Variants in BOC observed in about 807,000 individuals in gnomAD.
BOC encodes BOC cell adhesion associated, oncogene regulated, also known as brother of CDO.
A neutral mutation model predicts 112.0 loss-of-function variants in BOC; 76 were observed. That is an observed-to-expected ratio of 0.68 (90% CI 0.56 to 0.82). BOC has a LOEUF of 0.82. BOC is among the 40% of genes least tolerant of loss of function. The pLI is 0.00. For synonymous variants in BOC, 580 were observed against 599.8 expected (o/e 0.97, Z 0.48); for missense variants, 1,309 against 1,511.7 (o/e 0.87, Z 2.22).
At chr3:113,275,011 C>T (rs1456296449) in intron 9 of BOC, among the ~76,000 whole-genome samples, 1 of 152,224 alleles carries the variant, frequency 6.6e-6, no homozygotes, top group Non-Finnish European at 1.5e-5. Flanking sequence ...TGGTAACCAT[C>T]ACCCTCCTTC....
chr3:113,217,591 G>A (rs1475009617), intron 2 of BOC, among the ~76,000 whole-genome samples: 2 of 151,976 alleles, frequency 1.3e-5, no homozygotes, highest in Non-Finnish European at 2.9e-5. Flanking sequence ...AGAGAGAGGA[G>A]TTGCAATCTC....
chr3:113,286,288 C>T (rs1455362264), intron 19 of BOC, among the ~76,000 whole-genome samples: 1 of 152,164 alleles, frequency 6.6e-6, no homozygotes, highest in Non-Finnish European at 1.5e-5. Flanking sequence ...TGGACCGTGT[C>T]AATCTGGGGG....
At position 113,274,520 on chromosome 3, in the gene BOC, G is replaced by A. The variant is rs13094203; in HGVS notation, c.1380G>A (p.Pro460=). The part of the protein sequence containing the change: ...RPPTSVGPAS[P]QCPGEKGQGA... The stretch of plus-strand genomic sequence containing the variant: ...CAACGTCAGTGGGGCCTGCTTCCCC[G>A]CAGTGTCCAGGAGAGAAGGGGCAGG... The change falls in exon 9 of 20, where the codon CCG becomes CCA. Residue 460 remains proline, a synonymous_variant. Coordinates refer to ENST00000682979, the MANE Select transcript of BOC (RefSeq NM_001378074.1). The surrounding 1 kb of genome is among the most constrained non-coding windows in gnomAD (Gnocchi z 4.8). The A allele has an allele frequency of 0.17, 269,373 of 1,613,150 alleles. 23,308 individuals carry two copies. The highest frequency in any genetic ancestry group is 0.18 in the Non-Finnish European group (212,771 of 1,179,764).
intron 9 of BOC, among the ~76,000 whole-genome samples, chr3:113,276,299 C>A (rs1012641137): frequency 1.3e-5 from 2 of 152,262 alleles, no homozygotes; most frequent in Admixed American, 6.5e-5. Context: ...GCTCAGGCCG[C>A]ATTCACCCCC....
At chr3:113,230,295 G>A (rs1366166509) in intron 2 of BOC, among the ~76,000 whole-genome samples, 1 of 152,230 alleles carries the variant, frequency 6.6e-6, no homozygotes, top group Non-Finnish European at 1.5e-5. Context: ...GAGTACGTAT[G>A]CAGAGTACAT....
At chr3:113,217,520 C>A (rs1939658829) in intron 2 of BOC, among the ~76,000 whole-genome samples, 1 of 60,238 alleles carries the variant, frequency 1.7e-5, no homozygotes, top group Non-Finnish European at 3.7e-5. Context: ...GAGTGAGACC[C>A]TATCTCAAAA....
chr3:113,212,126 A>G (rs1355318660), intron 1 of BOC, 110 bp downstream of exon 1: 1 of 151,230 alleles, frequency 6.6e-6, no homozygotes, highest in Non-Finnish European at 1.5e-5. Flanking sequence ...AGCGCCAGCG[A>G]GTGGCTGCCG....
chr3:113,268,198 G>C, intron 4 of BOC, 101 bp from the exon 5 acceptor site: 3 of 1,523,214 alleles, frequency 2.0e-6, no homozygotes, highest in East Asian at 2.4e-5. Flanking sequence ...CCCTAGGTGT[G>C]AGCTTTGTCA....
chr3:113,266,441 G>GT (rs1376678747), intron 4 of BOC, among the ~76,000 whole-genome samples: 1 of 152,146 alleles, frequency 6.6e-6, no homozygotes, highest in Non-Finnish European at 1.5e-5. Flanking sequence ...AAGAAACATT[G>GT]TATTTGCAAA....
intron 7 of BOC, 55 bp downstream of exon 7, chr3:113,272,758 C>A: frequency 1.3e-6 from 2 of 1,577,554 alleles, no homozygotes; most frequent in South Asian, 1.2e-5. Context: ...GTCTGTGCAG[C>A]CTTTCTAGAA....
At chr3:113,281,217 T>A (rs1441178374) in intron 15 of BOC, 64 bp downstream of exon 15, 2 of 1,590,934 alleles carry the variant, frequency 1.3e-6, no homozygotes, top group Non-Finnish European at 1.7e-6. Context: ...AGAGTCACCA[T>A]TCCCTGTGCC....
chr3:113,240,660 A>G (rs1386033392), intron 2 of BOC, among the ~76,000 whole-genome samples: 13 of 152,260 alleles, frequency 8.5e-5, no homozygotes, highest in Admixed American at 7.2e-4. Flanking sequence ...TTACAATCAC[A>G]GAACAAATAG....
At chr3:113,272,750 C>T (rs1948262297) in intron 7 of BOC, 47 bp downstream of exon 7, 1 of 1,586,828 alleles carries the variant, frequency 6.3e-7, no homozygotes, top group Non-Finnish European at 8.6e-7. Context: ...TCTCTCTGGT[C>T]TGTGCAGCCT....
chr3:113,224,093 T>A (rs1941235416), intron 2 of BOC, among the ~76,000 whole-genome samples: 1 of 152,226 alleles, frequency 6.6e-6, no homozygotes. Context: ...TTACTTGCTT[T>A]GGAGCTGCGG....
chr3:113,248,871 T>TCA (rs1945265757), intron 2 of BOC, among the ~76,000 whole-genome samples: 1 of 152,172 alleles, frequency 6.6e-6, no homozygotes, highest in Non-Finnish European at 1.5e-5. Flanking sequence ...CTCAAAGCAA[T>TCA]GTTGTTCTGG....
chr3:113,248,675 G>A (rs770970583), intron 2 of BOC, among the ~76,000 whole-genome samples: 1 of 152,002 alleles, frequency 6.6e-6, no homozygotes, highest in Non-Finnish European at 1.5e-5. Flanking sequence ...TGTGACAGAA[G>A]TGTGTGTGTG....
chr3:113,283,621 G>C lies in BOC; in HGVS notation c.2645G>C (p.Trp882Ser). 1 of 1,613,566 alleles carries C rather than the reference G, an allele frequency of 6.2e-7. No individual in the cohort carries two copies. ...ATCCCCTTCTGCTTGTGGAGGGCCT[G>C]GTCTAAGCAAAGTGAGTGAGTGACG... ...TFIPFCLWRA[W>S]SKQKHTTDLG... The change falls in exon 16 of 20, where the codon TGG becomes TCG. Residue 882 changes from tryptophan (W) to serine (S), a missense_variant. Trp to Ser is a radical substitution (Grantham distance 177). Coordinates refer to ENST00000682979, the MANE Select transcript of BOC (RefSeq NM_001378074.1).
Position 113,279,349 on chromosome 3 carries a change from C to T in BOC, c.1917C>T (p.Ser639=). Residue 639 remains serine, a synonymous_variant, in exon 12 of 20, where the codon TCC becomes TCT. Transcript: ENST00000682979. ...PRGNGGFPIQ[S]FRVEYKKLKK... is the part of the protein sequence containing the mutation. Reference sequence around the variant, plus strand: ...GGAATGGTGGGTTCCCAATCCAGTCCTTCCGTGTGGAGTACAAGAAGCTAA... The same window carrying T: ...GGAATGGTGGGTTCCCAATCCAGTCTTTCCGTGTGGAGTACAAGAAGCTAA... 1 of 1,614,208 alleles carries T rather than the reference C, an allele frequency of 6.2e-7. No homozygotes were observed. The highest frequency in any genetic ancestry group is 8.5e-7 in the Non-Finnish European group (1 of 1,180,026).
At chr3:113,276,407 T>C (rs953478818) in intron 9 of BOC, among the ~76,000 whole-genome samples, 5 of 152,104 alleles carry the variant, frequency 3.3e-5, no homozygotes, top group African/African-American at 4.8e-5. Flanking sequence ...GCAGGGTACA[T>C]GGGGCGCAGG....
Sources: allele counts gnomAD v4.1 joint callset (sites outside exome capture counted in the v4.1 genomes callset), GRCh38; gene constraint gnomAD v4.1.1; non-coding constraint Gnocchi (gnomAD v3.1); transcripts MANE v1.5; gene names NCBI Gene and HGNC (gene_info 2026-07-23, HGNC 2026-07-21).